The following CSNK1G1 variants were observed in gnomAD, a reference collection of about 807,000 sequenced individuals.
The protein encoded by CSNK1G1 is casein kinase 1 gamma 1.
A neutral mutation model predicts 59.6 loss-of-function variants in CSNK1G1; 22 were observed. The observed-to-expected ratio is 0.37, with a 90% confidence interval of 0.26 to 0.53. The LOEUF is 0.53. Ranked by LOEUF, CSNK1G1 falls within the 20% of genes least tolerant of loss-of-function variation. The probability of loss-of-function intolerance (pLI) is 0.89; values close to 1 mark genes in which losing one functional copy is unlikely to be tolerated. For missense variants in CSNK1G1, 384 were observed against 519.5 expected, an observed-to-expected ratio of 0.74 and a Z score of 2.54; for synonymous variants, 179 against 177.1, an observed-to-expected ratio of 1.01 and a Z score of -0.08.
In CSNK1G1 at chr15:64,299,825, T is replaced by C. The variant is rs1895227688; in HGVS notation, c.181+494A>G. On this transcript the variant is annotated intron_variant, in intron 2 of 11. Coordinates refer to ENST00000303052, the MANE Select transcript of CSNK1G1 (RefSeq NM_022048.5). ...GAAGAAACGCAAACAAATTATCTTT[T>C]GGAAAATTTCTCCAAACAGGATGTA... 2.6e-5 allele frequency among the ~76,000 whole-genome samples: 4 copies of C among 152,160 alleles called. No individual in the cohort carries two copies. The South Asian group carries it at 8.3e-4, about 31-fold the overall frequency.
intron 4 of CSNK1G1, among the ~76,000 whole-genome samples, chr15:64,250,536 G>C (rs1371039625): frequency 1.3e-5 from 2 of 152,098 alleles, no homozygotes; most frequent in Admixed American, 6.5e-5. Context: ...TTGAGCCCAG[G>C]AGTTCAAGAC....
Position 64,350,290 on chromosome 15 carries a change from G to A in CSNK1G1, c.-225+5698C>T, listed in dbSNP as rs556348980. Among the ~76,000 whole-genome samples the A allele has an allele frequency of 3.9e-3, 586 of 152,094 alleles. 4 individuals are homozygous for A. The highest frequency in any genetic ancestry group is 0.014 in the African/African-American group (565 of 41,478). ...GGGCGGATCACAAGGTCAGGAGATC[G>A]AGACCATCCTGGCTAACACGGTGAA... On this transcript the variant is annotated intron_variant, in intron 1 of 11. Transcript: ENST00000303052.
Position 64,274,530 on chromosome 15 carries a change from T to C in CSNK1G1, c.182-15289A>G, listed in dbSNP as rs192954268. Among the ~76,000 whole-genome samples, 26 of 152,328 alleles carry C rather than the reference T, an allele frequency of 1.7e-4. No individual in the cohort carries two copies. The East Asian group carries it at 4.6e-3, about 27-fold the overall frequency. On this transcript the variant is annotated intron_variant, in intron 2 of 11. Transcript: ENST00000303052. The stretch of plus-strand genomic sequence containing the variant: ...AGCACTGAAAGCTTTTAGTATCTGT[T>C]GCACAAAATCCACAACGCTTCCCAA...
chr15:64,253,216 G>A (rs919184291), intron 3 of CSNK1G1, among the ~76,000 whole-genome samples: 4 of 152,062 alleles, frequency 2.6e-5, no homozygotes, highest in Admixed American at 6.6e-5. Flanking sequence ...AGGGAGGCAC[G>A]CTCCTGTAGT....
At chr15:64,203,734 T>TAG (rs1454268842) in intron 9 of CSNK1G1, among the ~76,000 whole-genome samples, 3 of 145,902 alleles carry the variant, frequency 2.1e-5, no homozygotes, top group African/African-American at 7.8e-5. Flanking sequence ...CCTCCACTGA[T>TAG]ATCTGTTTGG....
At chr15:64,283,058 T>A (rs1392135226) in intron 2 of CSNK1G1, among the ~76,000 whole-genome samples, 2 of 152,142 alleles carry the variant, frequency 1.3e-5, no homozygotes, top group African/African-American at 4.8e-5. Flanking sequence ...TAGGGTGCAG[T>A]GTACACTGCT....
intron 1 of CSNK1G1, among the ~76,000 whole-genome samples, chr15:64,330,609 C>G (rs1317404600): frequency 2.5e-5 from 2 of 78,884 alleles, no homozygotes; most frequent in South Asian, 5.5e-4. Flanking sequence ...CCTTTGAAAA[C>G]TGGCACAAGA....
At position 64,171,821 on chromosome 15, in the gene CSNK1G1, G is replaced by T; in HGVS notation, c.*110C>A. On this transcript the variant is annotated 3_prime_UTR_variant, in exon 12 of 12. Transcript: ENST00000303052. This position sits in a 1 kb window ranked among gnomAD's most constrained non-coding sequence, Gnocchi z 4.8. ...GCATCTGTTTTCTTCTTTTTGGTTT[G>T]GATATCCACCCTCCCCCAAAGAGGA... 5 of 979,626 alleles carry T rather than the reference G, an allele frequency of 5.1e-6. No individual in the cohort carries two copies. The Admixed American group carries it at 5.5e-5, about 11-fold the overall frequency. 60.7% of individuals were successfully genotyped at this position (979,626 alleles called of 1,614,324 possible). A position where few individuals can be genotyped will look rare whatever the true frequency, so the allele number is the denominator to read the frequency against.
intron 3 of CSNK1G1, among the ~76,000 whole-genome samples, chr15:64,256,107 A>T (rs1258128435): frequency 1.3e-5 from 2 of 152,232 alleles, no homozygotes; most frequent in African/African-American, 4.8e-5. Flanking sequence ...GCAGCCAGGT[A>T]TAGAATTTTT....
At chr15:64,218,710 A>G (rs1236794698) in intron 4 of CSNK1G1, among the ~76,000 whole-genome samples, 1 of 151,476 alleles carries the variant, frequency 6.6e-6, no homozygotes, top group Admixed American at 6.6e-5. Flanking sequence ...CAACTTGAAC[A>G]TTTTCTTTAA....
At chr15:64,290,378 T>C (rs1188820571) in intron 2 of CSNK1G1, among the ~76,000 whole-genome samples, 1 of 151,566 alleles carries the variant, frequency 6.6e-6, no homozygotes, top group Non-Finnish European at 1.5e-5. Context: ...AGACAGGCAA[T>C]GAACTACTAT....
chr15:64,197,450 C>A (rs1277513543), intron 10 of CSNK1G1, among the ~76,000 whole-genome samples: 1 of 152,204 alleles, frequency 6.6e-6, no homozygotes, highest in Non-Finnish European at 1.5e-5. Context: ...GTTCCTCCCC[C>A]AACTTTGCCA....
At chr15:64,311,307 A>G (rs936905895) in intron 1 of CSNK1G1, among the ~76,000 whole-genome samples, 3 of 152,160 alleles carry the variant, frequency 2.0e-5, no homozygotes, top group African/African-American at 7.2e-5. Context: ...CAGCCTCCCA[A>G]AGTGCTGGGA....
chr15:64,203,590 G>C (rs1415397726), intron 9 of CSNK1G1, among the ~76,000 whole-genome samples: 1 of 151,208 alleles, frequency 6.6e-6, no homozygotes, highest in Non-Finnish European at 1.5e-5. Flanking sequence ...CCAGCTACTC[G>C]GGATGCTGAG....
chr15:64,222,828 G>T (rs2082408711), intron 4 of CSNK1G1, among the ~76,000 whole-genome samples: 1 of 152,064 alleles, frequency 6.6e-6, no homozygotes. Context: ...GAAATAAAGG[G>T]TTTTGCTTTG....
At chr15:64,331,791 T>C (rs1260660832) in intron 1 of CSNK1G1, among the ~76,000 whole-genome samples, 1 of 150,286 alleles carries the variant, frequency 6.7e-6, no homozygotes, top group African/African-American at 2.4e-5. Context: ...GACAAAGGGC[T>C]AATATCCAGA....
intron 4 of CSNK1G1, among the ~76,000 whole-genome samples, chr15:64,247,350 T>C (rs564584316): frequency 6.6e-6 from 1 of 152,292 alleles, no homozygotes; most frequent in East Asian, 1.9e-4. Context: ...ATTTTACAAT[T>C]TGGTTTCTAT....
chr15:64,302,513 G>A (rs533975079), intron 1 of CSNK1G1, among the ~76,000 whole-genome samples: 9 of 152,124 alleles, frequency 5.9e-5, no homozygotes, highest in East Asian at 1.9e-4. Context: ...AAATCAAAGC[G>A]ATCAAAGGAG....
chr15:64,263,079 CAAAAAA>C (rs1216890234), intron 2 of CSNK1G1, among the ~76,000 whole-genome samples: 2 of 53,586 alleles, frequency 3.7e-5, no homozygotes, highest in Non-Finnish European at 9.1e-5. Flanking sequence ...AACGCCATCT[CAAAAAA>C]AAAAAAAAAA....
Sources: allele counts gnomAD v4.1 joint callset (sites outside exome capture counted in the v4.1 genomes callset), GRCh38; gene constraint gnomAD v4.1.1; non-coding constraint Gnocchi (gnomAD v3.1); transcripts MANE v1.5; gene names NCBI Gene and HGNC (gene_info 2026-07-23, HGNC 2026-07-21).